The following PYY variants were observed in gnomAD, a reference collection of about 807,000 sequenced individuals.
PYY encodes the protein peptide tyrosine tyrosine.
PYY carries 12 observed loss-of-function variants against 10.3 expected under a neutral mutation model. The ratio of observed to expected loss-of-function variants is 1.17; its 90% CI spans 0.75 to 1.89. PYY has a LOEUF of 1.89. Among genes scored for constraint, PYY ranks in the 40% most tolerant of loss-of-function variants. The pLI, the probability that PYY is intolerant of heterozygous loss-of-function variation, is 0.00. For synonymous variants in PYY, 66 were observed against 62.0 expected (o/e 1.06, Z -0.30); for missense variants, 141 against 134.0 (o/e 1.05, Z -0.26).
intron 2 of PYY, among the ~76,000 whole-genome samples, chr17:43,964,170 TA>T (rs2048738792): frequency 6.6e-6 from 1 of 152,240 alleles, no homozygotes; most frequent in Non-Finnish European, 1.5e-5. Flanking sequence ...CACATCTAGC[TA>T]ATTTTAATAG....
At chr17:43,964,701 G>T (rs1425435950) in intron 2 of PYY, among the ~76,000 whole-genome samples, 2 of 152,206 alleles carry the variant, frequency 1.3e-5, no homozygotes, top group African/African-American at 4.8e-5. Flanking sequence ...TACTCAGGAG[G>T]CTGAGGCAGG....
chr17:43,970,256 C>A (rs1340250253), intron 1 of PYY, among the ~76,000 whole-genome samples: 3 of 148,206 alleles, frequency 2.0e-5, no homozygotes, highest in Non-Finnish European at 3.0e-5. Context: ...GCCTGTAATC[C>A]CAGCACTTTG....
chr17:43,986,136 G>A (rs2048914551), intron 1 of PYY, among the ~76,000 whole-genome samples: 1 of 152,178 alleles, frequency 6.6e-6, no homozygotes, highest in African/African-American at 2.4e-5. Context: ...GTGCATGCCT[G>A]TAATCCCAGC....
At chr17:43,969,451 GGTTGCA>G (rs2048774976) in intron 1 of PYY, among the ~76,000 whole-genome samples, 1 of 141,486 alleles carries the variant, frequency 7.1e-6, no homozygotes, top group African/African-American at 2.6e-5. Context: ...CAGGAGCAGA[GGTTGCA>G]GTAAGCCAAG....
chr17:43,977,845 G>A (rs1392702759), intron 1 of PYY, among the ~76,000 whole-genome samples: 1 of 152,112 alleles, frequency 6.6e-6, no homozygotes, highest in Non-Finnish European at 1.5e-5. Flanking sequence ...CTTAAACGGG[G>A]TTCCTCAGTG....
intron 2 of PYY, among the ~76,000 whole-genome samples, chr17:43,960,063 A>G (rs538198686): frequency 2.0e-5 from 3 of 152,338 alleles, no homozygotes; most frequent in African/African-American, 7.2e-5. Context: ...TGAACATATT[A>G]GCTAAGATAT....
rs162431 is a variant in PYY, at chr17:43,952,807, G to C, written c.*149C>G. The C allele has an allele frequency of 3.7e-6, 3 of 803,620 alleles. No homozygotes were observed. In the Admixed American group the frequency reaches 9.2e-5, roughly 25 times the overall value. The allele number at this position is 803,620 out of a possible 1,614,324, so 49.8% of individuals were successfully genotyped here. A position where few individuals can be genotyped will look rare whatever the true frequency, so the allele number is the denominator to read the frequency against. ...CACACAGCCCTCCAGCCCAGGGGGC[G>C]GGGGCACCGAGACGCGGGCGGAGGG... On this transcript the variant is annotated 3_prime_UTR_variant, in exon 4 of 4. Transcript: ENST00000692052.
At chr17:43,955,080 G>A (rs754464727), upstream of PYY, among the ~76,000 whole-genome samples, 7 of 152,296 alleles carry the variant, frequency 4.6e-5, no homozygotes, top group East Asian at 9.7e-4. Flanking sequence ...CCATTGGGGC[G>A]CCAGAGGCAG....
intron 1 of PYY, among the ~76,000 whole-genome samples, chr17:43,976,282 CGCATATGTAT>C (rs2048842400): frequency 3.0e-5 from 3 of 99,364 alleles, no homozygotes; most frequent in East Asian, 3.6e-4. Context: ...CGTATATATA[CGCATATGTAT>C]ACATGTATAC....
At chr17:43,991,253 A>C (rs1349577098) in intron 1 of PYY, among the ~76,000 whole-genome samples, 2 of 150,436 alleles carry the variant, frequency 1.3e-5, no homozygotes, top group Non-Finnish European at 3.0e-5. Flanking sequence ...AACATGGTGA[A>C]ACCCTGTCTC....
intron 1 of PYY, among the ~76,000 whole-genome samples, chr17:44,001,082 G>C (rs571238215): frequency 6.6e-6 from 1 of 152,258 alleles, no homozygotes; most frequent in Non-Finnish European, 1.5e-5. Flanking sequence ...TTTGTGTACT[G>C]TGCATGTTTG....
At chr17:43,991,783 CT>C (rs1346938940) in intron 1 of PYY, among the ~76,000 whole-genome samples, 3 of 151,122 alleles carry the variant, frequency 2.0e-5, no homozygotes, top group African/African-American at 7.3e-5. Flanking sequence ...GATTGTGCTA[CT>C]GCACTCTAGC....
intron 1 of PYY, among the ~76,000 whole-genome samples, chr17:43,996,955 C>G (rs1597860431): frequency 6.6e-6 from 1 of 152,284 alleles, no homozygotes; most frequent in African/African-American, 2.4e-5. Flanking sequence ...TCCCAAAGTG[C>G]TGGGATTACA....
intron 1 of PYY, among the ~76,000 whole-genome samples, chr17:43,988,792 T>C (rs1445924971): frequency 2.7e-5 from 4 of 148,220 alleles, no homozygotes; most frequent in Non-Finnish European, 1.5e-5. Context: ...AGACGGAGTA[T>C]CACTCTGTCA....
chr17:43,998,008 G>A lies in PYY; in HGVS notation c.-463+6383C>T, dbSNP rs537715864. On this transcript the variant is annotated intron_variant, in intron 1 of 6. Transcript: ENST00000360085. ...GGCTGGAGTGCAGTGGCAAGATCTC[G>A]TCTCACTGGAACCTCCACCTCCCAG... is the stretch of plus-strand genomic sequence containing the variant. Among the ~76,000 whole-genome samples the A allele has an allele frequency of 1.2e-4, 18 of 152,032 alleles. No individual in the cohort carries two copies. In the East Asian group the frequency reaches 1.5e-3, roughly 13 times the overall value.
At chr17:43,993,037 G>A (rs2048968268) in intron 1 of PYY, among the ~76,000 whole-genome samples, 1 of 152,174 alleles carries the variant, frequency 6.6e-6, no homozygotes, top group Admixed American at 6.5e-5. Flanking sequence ...TGCTGCGCCG[G>A]GCGCTGCGAC....
At chr17:43,995,030 A>C (rs1351734992) in intron 1 of PYY, among the ~76,000 whole-genome samples, 1 of 152,064 alleles carries the variant, frequency 6.6e-6, no homozygotes, top group African/African-American at 2.4e-5. Context: ...GTCCGGGACT[A>C]CCCGGGACTA....
intron 1 of PYY, among the ~76,000 whole-genome samples, chr17:43,989,731 C>T (rs1268766904): frequency 7.2e-6 from 1 of 137,954 alleles, no homozygotes; most frequent in East Asian, 2.2e-4. Flanking sequence ...CCTTTGAGCT[C>T]AGGAGTTTGA....
upstream of PYY, among the ~76,000 whole-genome samples, chr17:43,957,467 G>A (rs181921649): frequency 4.7e-4 from 72 of 152,204 alleles, no homozygotes; most frequent in Admixed American, 9.8e-4. Flanking sequence ...AGACCAGCCT[G>A]GTCAACATGG....
Sources: gnomAD v4.1 joint callset for allele counts (sites outside exome capture counted in the v4.1 genomes callset) on GRCh38, gnomAD v4.1.1 for gene constraint, MANE v1.5 for transcripts, NCBI Gene and HGNC (gene_info 2026-07-23, HGNC 2026-07-21) for gene names.